Variants in DYNC2H1 observed in about 807,000 individuals in gnomAD.
The protein encoded by DYNC2H1 is dynein cytoplasmic 2 heavy chain 1.
Under a neutral mutation model 570.0 loss-of-function variants are expected in DYNC2H1, and 410 were observed. The ratio of observed to expected loss-of-function variants is 0.72; its 90% CI spans 0.66 to 0.78. The LOEUF is 0.78. Ranked by LOEUF, DYNC2H1 falls within the 30% of genes least tolerant of loss-of-function variation. DYNC2H1 has a pLI of 0.00. For missense variants in DYNC2H1, 4,865 were observed against 5,046.4 expected, an observed-to-expected ratio of 0.96 and a Z score of 1.09; for synonymous variants, 1,688 against 1,677.6, an observed-to-expected ratio of 1.01 and a Z score of -0.15.
chr11:103,476,053 G>C (rs1945537404), intron 88 of DYNC2H1, among the ~76,000 whole-genome samples: 1 of 152,200 alleles, frequency 6.6e-6, no homozygotes, highest in Admixed American at 6.5e-5. Context: ...ACAAATATGT[G>C]ATCTTTGTCT....
intron 78 of DYNC2H1, among the ~76,000 whole-genome samples, chr11:103,309,425 G>A (rs1341051520): frequency 6.7e-6 from 1 of 149,370 alleles, no homozygotes; most frequent in African/African-American, 2.5e-5. Context: ...GAACTCCTTA[G>A]GCTCAAGCAA....
intron 82 of DYNC2H1, among the ~76,000 whole-genome samples, chr11:103,355,421 A>G (rs1014562823): frequency 3.9e-5 from 6 of 152,194 alleles, no homozygotes; most frequent in African/African-American, 1.4e-4. Context: ...GGATGGGAAA[A>G]TAAAATAAAA....
intron 43 of DYNC2H1, among the ~76,000 whole-genome samples, chr11:103,188,231 A>G (rs912767054): frequency 6.6e-6 from 1 of 152,080 alleles, no homozygotes; most frequent in Non-Finnish European, 1.5e-5. Flanking sequence ...TACTCAATTT[A>G]TAATATCATT....
chr11:103,253,873 A>G (rs1864937767), intron 66 of DYNC2H1, among the ~76,000 whole-genome samples: 1 of 152,112 alleles, frequency 6.6e-6, no homozygotes, highest in African/African-American at 2.4e-5. Flanking sequence ...AACACATGGC[A>G]TCTTTGAAGT....
In DYNC2H1 at chr11:103,125,133, T is replaced by A. The variant is rs1249261340; in HGVS notation, c.1695T>A (p.Asp565Glu). 1 of 1,613,412 alleles carries A rather than the reference T, an allele frequency of 6.2e-7. No individual in the cohort carries two copies. Among genetic ancestry groups the A allele is most frequent in the Admixed American group, 1.7e-5 (1 of 59,920 alleles). The part of the protein sequence containing the change: ...IEASSRIMEL[D>E]SNDGLLKVHY... ...CTAGTAGTCGAATTATGGAATTGGA[T>A]TCTAATGATGGATTACTAAAAGTGC... The change falls in exon 12 of 89, where the codon GAT becomes GAA. Residue 565 changes from aspartate (D) to glutamate (E), a missense_variant. Physicochemically the swap from Asp to Glu is conservative, Grantham distance 45. Coordinates refer to ENST00000375735, the MANE Select transcript of DYNC2H1 (RefSeq NM_001377.3).
chr11:103,179,175 C>T lies in DYNC2H1; in HGVS notation c.6289C>T (p.His2097Tyr), dbSNP rs750562855. 1 of 1,612,890 alleles carries T rather than the reference C, an allele frequency of 6.2e-7. No homozygotes were observed. Among genetic ancestry groups the T allele is most frequent in the African/African-American group, 1.3e-5 (1 of 74,826 alleles). Reference protein sequence around the residue: ...GPNVNFVFETHDLSCASPATI... With the variant: ...GPNVNFVFETYDLSCASPATI... ...AAATGTTAACTTTGTATTTGAAACTCATGATTTAAGTTGTGCATCACCAGC... is the reference window on the plus strand; with the variant it reads ...AAATGTTAACTTTGTATTTGAAACTTATGATTTAAGTTGTGCATCACCAGC... Residue 2097 changes from histidine (H) to tyrosine (Y), a missense_variant, in exon 39 of 89, where the codon CAT becomes TAT. Transcript: ENST00000375735.
At chr11:103,307,218 T>C (rs940053543) in intron 77 of DYNC2H1, among the ~76,000 whole-genome samples, 17 of 152,128 alleles carry the variant, frequency 1.1e-4, no homozygotes, top group Admixed American at 4.6e-4. Flanking sequence ...ATTTATATTA[T>C]AGGCCATAAG....
intron 82 of DYNC2H1, among the ~76,000 whole-genome samples, chr11:103,331,340 T>G (rs146396623): frequency 6.6e-6 from 1 of 152,304 alleles, no homozygotes; most frequent in African/African-American, 2.4e-5. Flanking sequence ...CAGGAGCTTT[T>G]TTTGTACCAG....
chr11:103,446,296 A>G lies in DYNC2H1; in HGVS notation c.12457-8890A>G, dbSNP rs1366903237. ...TGCACTTCAATATTGAGATGTTTAGAAAAGGAAAAGTTGTCCATCATTAAA... is the reference window on the plus strand; with the variant it reads ...TGCACTTCAATATTGAGATGTTTAGGAAAGGAAAAGTTGTCCATCATTAAA... On this transcript the variant is annotated intron_variant, in intron 85 of 88. Transcript: ENST00000375735. This position sits in a 1 kb window ranked among gnomAD's most constrained non-coding sequence, Gnocchi z 4.5. 6.6e-6 allele frequency among the ~76,000 whole-genome samples: 1 copy of G among 152,208 alleles called. No homozygotes were observed. The highest frequency in any genetic ancestry group is 1.5e-5 in the Non-Finnish European group (1 of 68,034).
chr11:103,312,129 C>G, intron 79 of DYNC2H1, 96 bp downstream of exon 79: 1 of 1,354,552 alleles, frequency 7.4e-7, no homozygotes, highest in African/African-American at 1.5e-5. Context: ...GCCTGTAATC[C>G]CAGTACTGTG....
At chr11:103,474,097 T>C (rs1339723342) in intron 88 of DYNC2H1, 15 of 242,352 alleles carry the variant, frequency 6.2e-5, no homozygotes, top group Non-Finnish European at 1.8e-5. Context: ...CAAGGACTTA[T>C]TATGAAAGTA....
intron 87 of DYNC2H1, among the ~76,000 whole-genome samples, chr11:103,464,421 CAG>C (rs1031841772): frequency 6.6e-6 from 1 of 152,024 alleles, no homozygotes; most frequent in African/African-American, 2.4e-5. Flanking sequence ...AAGTATAAAA[CAG>C]AGAGAATGAC....
At chr11:103,109,876 T>G (rs1858028876) in intron 1 of DYNC2H1, 107 bp downstream of exon 1, 3 of 1,200,098 alleles carry the variant, frequency 2.5e-6, no homozygotes, top group Admixed American at 2.8e-5. Flanking sequence ...CCAGATCCTT[T>G]TCAGGAACCC....
intron 84 of DYNC2H1, 148 bp from the exon 85 acceptor site, chr11:103,435,795 A>G: frequency 1.6e-6 from 1 of 617,532 alleles, no homozygotes; most frequent in Middle Eastern, 4.0e-4. Context: ...TGCTGTCTCT[A>G]CTGTTCAATT....
intron 82 of DYNC2H1, among the ~76,000 whole-genome samples, chr11:103,353,005 A>T (rs2671341): frequency 6.6e-6 from 1 of 151,934 alleles, no homozygotes; most frequent in Non-Finnish European, 1.5e-5. Flanking sequence ...CAGGGACATG[A>T]ATGAAACTAG....
Position 103,468,593 on chromosome 11 carries a change from G to A in DYNC2H1, c.12653G>A (p.Ser4218Asn). The change falls in exon 88 of 89, where the codon AGT (serine) becomes AAT (asparagine). Residue 4218 changes from serine to asparagine, a missense_variant. Coordinates refer to ENST00000375735, the MANE Select transcript of DYNC2H1 (RefSeq NM_001377.3). ...ACATATTTGTTTCCATGGCAGATCA[G>A]TGGCTTGTTACTAGAAGGATGTAGT... is the stretch of plus-strand genomic sequence containing the variant. ...LQEAKLQIKI[S>N]GLLLEGCSFD... 6.2e-7 allele frequency: 1 copy of A among 1,612,354 alleles called. No individual in the cohort carries two copies. The highest frequency in any genetic ancestry group is 1.1e-5 in the South Asian group (1 of 90,870).
At chr11:103,414,978 T>C (rs533496588) in intron 84 of DYNC2H1, among the ~76,000 whole-genome samples, 1 of 152,270 alleles carries the variant, frequency 6.6e-6, no homozygotes, top group South Asian at 2.1e-4. Context: ...ATTTATAGAT[T>C]CAGTGCTATT....
At chr11:103,354,621 A>AT (rs1177356161) in intron 82 of DYNC2H1, among the ~76,000 whole-genome samples, 3 of 152,008 alleles carry the variant, frequency 2.0e-5, no homozygotes, top group Non-Finnish European at 2.9e-5. Context: ...GTGAGGCTCT[A>AT]TTGATAGTGC....
chr11:103,253,130 A>C (rs570820000), intron 65 of DYNC2H1, among the ~76,000 whole-genome samples, 155 bp from the exon 66 acceptor site: 10 of 152,316 alleles, frequency 6.6e-5, no homozygotes, highest in African/African-American at 2.4e-4. Context: ...TAAATAGAAC[A>C]TTCTGCTAAT....
Sources: allele counts gnomAD v4.1 joint callset (sites outside exome capture counted in the v4.1 genomes callset), GRCh38; gene constraint gnomAD v4.1.1; non-coding constraint Gnocchi (gnomAD v3.1); transcripts MANE v1.5; gene names NCBI Gene and HGNC (gene_info 2026-07-23, HGNC 2026-07-21).